Variants in SBF2 observed in about 807,000 individuals in gnomAD.
SBF2 encodes the protein SET binding factor 2.
In SBF2, 112 loss-of-function variants were observed where a neutral mutation model predicts 225.2. The ratio of observed to expected loss-of-function variants is 0.50; its 90% CI spans 0.43 to 0.58. SBF2 has a LOEUF of 0.58. SBF2 is among the 20% of genes least tolerant of loss of function. The pLI is 0.00. For missense variants in SBF2, 1,996 were observed against 2,206.2 expected, an observed-to-expected ratio of 0.90 and a Z score of 1.91; for synonymous variants, 763 against 773.3, an observed-to-expected ratio of 0.99 and a Z score of 0.22.
At position 10,165,598 on chromosome 11, in the gene SBF2, T is replaced by C. The variant is rs569125989; in HGVS notation, c.141+28304A>G. Among the ~76,000 whole-genome samples, 4 of 152,334 alleles carry C rather than the reference T, an allele frequency of 2.6e-5. No individual in the cohort carries two copies. In the South Asian group the frequency reaches 8.3e-4, roughly 32 times the overall value. Reference sequence around the variant, plus strand: ...AAGATTCTACTAGTACACTGTAGCATTGTACACTGTACCAGCACTAAACAG... The same window carrying C: ...AAGATTCTACTAGTACACTGTAGCACTGTACACTGTACCAGCACTAAACAG... On this transcript the variant is annotated intron_variant, in intron 2 of 39. Transcript: ENST00000256190.
At chr11:9,885,649 CAA>C (rs1332961158) in intron 17 of SBF2, among the ~76,000 whole-genome samples, 1 of 151,924 alleles carries the variant, frequency 6.6e-6, no homozygotes, top group Non-Finnish European at 1.5e-5. Flanking sequence ...ATGGTGATAG[CAA>C]AGTAAGAAGA....
chr11:10,108,240 G>T (rs1952643885), intron 2 of SBF2, among the ~76,000 whole-genome samples: 1 of 152,156 alleles, frequency 6.6e-6, no homozygotes, highest in South Asian at 2.1e-4. Context: ...ATTAATAAAT[G>T]ACAGAGGCTA....
chr11:9,982,374 A>C (rs949278931), intron 13 of SBF2, among the ~76,000 whole-genome samples: 25 of 152,242 alleles, frequency 1.6e-4, no homozygotes, highest in African/African-American at 6.0e-4. Flanking sequence ...TGTGACTAAC[A>C]TGTTTTCATA....
At chr11:10,277,924 G>A (rs1162669288) in intron 1 of SBF2, among the ~76,000 whole-genome samples, 1 of 152,180 alleles carries the variant, frequency 6.6e-6, no homozygotes, top group African/African-American at 2.4e-5. Flanking sequence ...AATGGTGTTT[G>A]TTTTAAATCA....
intron 17 of SBF2, among the ~76,000 whole-genome samples, chr11:9,875,907 CACTTA>C (rs1859188231): frequency 1.4e-5 from 2 of 142,456 alleles, no homozygotes; most frequent in South Asian, 2.1e-4. Context: ...AAACTTAAAT[CACTTA>C]ACTTGTTATT....
chr11:10,298,737 G>C (rs1188880938), upstream of SBF2, among the ~76,000 whole-genome samples: 1 of 152,154 alleles, frequency 6.6e-6, no homozygotes, highest in Non-Finnish European at 1.5e-5. Context: ...ACCCTTGACA[G>C]CTGCCTCTCA....
intron 16 of SBF2, among the ~76,000 whole-genome samples, chr11:9,939,778 A>G (rs1370971989): frequency 6.6e-6 from 1 of 152,110 alleles, no homozygotes; most frequent in Non-Finnish European, 1.5e-5. Flanking sequence ...ACGTATATAC[A>G]AGGATGTTTG....
intron 2 of SBF2, among the ~76,000 whole-genome samples, chr11:10,096,472 A>C (rs2134945214): frequency 6.6e-6 from 1 of 151,386 alleles, no homozygotes; most frequent in East Asian, 1.9e-4. Flanking sequence ...GGTCTTACTT[A>C]TCTCTATTAC....
intron 16 of SBF2, among the ~76,000 whole-genome samples, chr11:9,908,551 C>T (rs918730686): frequency 3.3e-5 from 5 of 152,108 alleles, no homozygotes; most frequent in Non-Finnish European, 5.9e-5. Flanking sequence ...GGCGTGAACC[C>T]GGGAGGCGGA....
chr11:9,859,069 C>T (rs1389522934), intron 17 of SBF2, among the ~76,000 whole-genome samples: 1 of 152,136 alleles, frequency 6.6e-6, no homozygotes, highest in Non-Finnish European at 1.5e-5. Flanking sequence ...TGCTGGGTTT[C>T]AGCGTAAGAG....
At chr11:9,873,276 T>C (rs1437243902) in intron 17 of SBF2, among the ~76,000 whole-genome samples, 2 of 148,228 alleles carry the variant, frequency 1.3e-5, no homozygotes, top group Non-Finnish European at 3.0e-5. Context: ...AGGTTTAAAG[T>C]GATATGGATT....
intron 14 of SBF2, among the ~76,000 whole-genome samples, chr11:9,967,933 CTG>C (rs1413720645): frequency 2.3e-4 from 27 of 117,502 alleles, no homozygotes; most frequent in Admixed American, 8.4e-4. Flanking sequence ...GTCTGTCTGT[CTG>C]TCTGTCTGTC....
intron 13 of SBF2, among the ~76,000 whole-genome samples, chr11:9,969,765 T>G (rs886285653): frequency 1.3e-5 from 2 of 152,172 alleles, no homozygotes; most frequent in Admixed American, 1.3e-4. Context: ...CTCACATACT[T>G]TACATTTTAT....
chr11:9,800,321 G>A (rs1853412578), intron 32 of SBF2, among the ~76,000 whole-genome samples: 3 of 151,840 alleles, frequency 2.0e-5, no homozygotes, highest in Admixed American at 6.6e-5. Flanking sequence ...GCAAATATAT[G>A]GTTTACACAT....
At chr11:10,086,876 T>C (rs1161135126) in intron 2 of SBF2, among the ~76,000 whole-genome samples, 1 of 152,168 alleles carries the variant, frequency 6.6e-6, no homozygotes, top group African/African-American at 2.4e-5. Context: ...ATGTGGACTG[T>C]GGTAAACACT....
rs142261202 is a variant in SBF2, at chr11:10,000,998, C to T, written c.777G>A (p.Pro259=). The T allele has an allele frequency of 2.2e-4, 347 of 1,594,900 alleles. 1 individual carries two copies. In the African/African-American group the frequency reaches 3.2e-3, roughly 15 times the overall value. ...AACTTAGAACTTCCAGTAGCTGAGC[C>T]GGGAGAATAGGGATATAAGGATAAC... is the stretch of plus-strand genomic sequence containing the variant. ...KYSYPYIPIL[P]AQLLEVLSSP... Residue 259 remains proline, a synonymous_variant, in exon 8 of 40, where the codon CCG becomes CCA. Transcript: ENST00000256190.
chr11:10,189,373 A>C (rs1427607571), intron 2 of SBF2, among the ~76,000 whole-genome samples: 1 of 152,208 alleles, frequency 6.6e-6, no homozygotes, highest in Non-Finnish European at 1.5e-5. Context: ...CTAACCAAAC[A>C]GTATTTACAT....
chr11:10,112,232 C>T (rs1427846014), intron 2 of SBF2, among the ~76,000 whole-genome samples: 1 of 152,164 alleles, frequency 6.6e-6, no homozygotes, highest in Non-Finnish European at 1.5e-5. Context: ...TATGGTTTGG[C>T]TATGTCCCCA....
intron 16 of SBF2, among the ~76,000 whole-genome samples, chr11:9,926,907 A>T: frequency 6.6e-6 from 1 of 152,124 alleles, no homozygotes; most frequent in East Asian, 1.9e-4. Context: ...GTAGAAATCA[A>T]TAATAGACAA....
Sources: allele counts gnomAD v4.1 joint callset (sites outside exome capture counted in the v4.1 genomes callset), GRCh38; gene constraint gnomAD v4.1.1; transcripts MANE v1.5; gene names NCBI Gene and HGNC (gene_info 2026-07-23, HGNC 2026-07-21).